Variants in VTI1A observed in about 807,000 individuals in gnomAD.
VTI1A encodes vesicle transport through interaction with t-SNAREs homolog 1A.
A neutral mutation model predicts 34.9 loss-of-function variants in VTI1A; 22 were observed. That is an observed-to-expected ratio of 0.63 (90% CI 0.45 to 0.90). VTI1A has a LOEUF of 0.90. Ranked by LOEUF, VTI1A falls within the 40% of genes least tolerant of loss-of-function variation. The pLI, the probability that VTI1A is intolerant of heterozygous loss-of-function variation, is 0.00. For missense variants in VTI1A, 268 were observed against 275.6 expected, an observed-to-expected ratio of 0.97 and a Z score of 0.20; for synonymous variants, 87 against 97.3, an observed-to-expected ratio of 0.89 and a Z score of 0.62.
chr10:112,522,904 T>G (rs1386918966), intron 3 of VTI1A, among the ~76,000 whole-genome samples: 1 of 152,126 alleles, frequency 6.6e-6, no homozygotes, highest in Non-Finnish European at 1.5e-5. Context: ...TGAGGCAATT[T>G]AAGCAATTGC....
intron 7 of VTI1A, among the ~76,000 whole-genome samples, chr10:112,731,861 T>G (rs545810151): frequency 6.6e-6 from 1 of 152,348 alleles, no homozygotes; most frequent in East Asian, 1.9e-4. Flanking sequence ...GTAAATGGAT[T>G]AATTAATTAG....
chr10:112,707,803 T>G (rs184830554), intron 7 of VTI1A, among the ~76,000 whole-genome samples: 92 of 152,362 alleles, frequency 6.0e-4, no homozygotes, highest in African/African-American at 2.2e-3. Flanking sequence ...GATGATGTAT[T>G]TTAACATAAA....
chr10:112,737,181 T>G (rs1191928353), intron 7 of VTI1A: 1 of 393,234 alleles, frequency 2.5e-6, no homozygotes, highest in East Asian at 6.8e-5. Context: ...AGCGATTCTC[T>G]TGCCTCAGCC....
At chr10:112,464,439 C>G in intron 2 of VTI1A, 108 bp from the exon 3 acceptor site, 5 of 909,666 alleles carry the variant, frequency 5.5e-6, no homozygotes, top group Non-Finnish European at 8.4e-6. Context: ...GAACCTGGTG[C>G]CTCAACTACA....
intron 3 of VTI1A, among the ~76,000 whole-genome samples, chr10:112,485,464 C>T (rs977327205): frequency 6.6e-6 from 1 of 152,046 alleles, no homozygotes; most frequent in African/African-American, 2.4e-5. Context: ...GACATTTTCC[C>T]CGTAGTCCTT....
At chr10:112,691,244 G>A (rs1385234169) in intron 7 of VTI1A, among the ~76,000 whole-genome samples, 1 of 149,602 alleles carries the variant, frequency 6.7e-6, no homozygotes, top group African/African-American at 2.5e-5. Flanking sequence ...CTGGGCAACA[G>A]AATGAGACTC....
At chr10:112,544,638 G>A (rs1304800658) in intron 5 of VTI1A, among the ~76,000 whole-genome samples, 1 of 151,182 alleles carries the variant, frequency 6.6e-6, no homozygotes, top group African/African-American at 2.4e-5. Flanking sequence ...AAAAAAAAAA[G>A]GATAACTGAT....
intron 5 of VTI1A, among the ~76,000 whole-genome samples, chr10:112,631,738 G>A (rs1321438444): frequency 6.6e-6 from 1 of 152,200 alleles, no homozygotes; most frequent in Non-Finnish European, 1.5e-5. Flanking sequence ...TGGCATGTGA[G>A]TTCCGCAGGA....
At chr10:112,590,090 T>C (rs549135046) in intron 5 of VTI1A, among the ~76,000 whole-genome samples, 21 of 152,268 alleles carry the variant, frequency 1.4e-4, no homozygotes, top group African/African-American at 4.8e-4. Context: ...TAACTGAACA[T>C]GGTTTACTCT....
intron 3 of VTI1A, among the ~76,000 whole-genome samples, chr10:112,515,583 C>T (rs111938231): frequency 7.2e-5 from 11 of 152,110 alleles, no homozygotes; most frequent in African/African-American, 2.6e-4. Context: ...TATGGTCTCA[C>T]TCCTCAAATT....
intron 4 of VTI1A, among the ~76,000 whole-genome samples, chr10:112,534,294 TA>T (rs1290314642): frequency 1.3e-5 from 2 of 152,162 alleles, no homozygotes; most frequent in Non-Finnish European, 2.9e-5. Context: ...TTTAAAAAAT[TA>T]AGTCAAACAT....
intron 1 of VTI1A, among the ~76,000 whole-genome samples, chr10:112,455,726 T>A (rs1347167527): frequency 6.7e-6 from 1 of 149,222 alleles, no homozygotes; most frequent in Non-Finnish European, 1.5e-5. Context: ...CTTTTGAGAT[T>A]TGCCTTCTTA....
intron 7 of VTI1A, among the ~76,000 whole-genome samples, chr10:112,689,729 T>A (rs372672100): frequency 6.6e-6 from 1 of 152,094 alleles, no homozygotes. Flanking sequence ...CCTACAGATT[T>A]TTTTACTTTT....
chr10:112,566,567 T>C (rs1851909957), intron 5 of VTI1A, among the ~76,000 whole-genome samples: 1 of 152,186 alleles, frequency 6.6e-6, no homozygotes, highest in South Asian at 2.1e-4. Flanking sequence ...ATTATTGTTT[T>C]GCTGTTTAAT....
At chr10:112,852,332 C>T in the VTI1A span, among the ~76,000 whole-genome samples, 1 of 152,208 alleles carries the variant, frequency 6.6e-6, no homozygotes, top group African/African-American at 2.4e-5. Flanking sequence ...AGTGATTTGT[C>T]ATTTTCCCAC....
chr10:112,663,708 G>A (rs1847544824), intron 5 of VTI1A, among the ~76,000 whole-genome samples: 1 of 152,134 alleles, frequency 6.6e-6, no homozygotes, highest in South Asian at 2.1e-4. Context: ...AAGAGTGACT[G>A]ACCCAACCAC....
rs796629542 is a variant in VTI1A at position 112,578,055 on chromosome 10, T to C, written c.427+39725T>C. On this transcript the variant is annotated intron_variant, in intron 5 of 7. Coordinates refer to ENST00000393077, the MANE Select transcript of VTI1A (RefSeq NM_145206.4). ...GTGAAGTAACTTTCTTATTGTTTTG[T>C]TTGAACCTTTTTGAGCCCAAGAAGT... is the stretch of plus-strand genomic sequence containing the variant. Among the ~76,000 whole-genome samples, 17 of 152,340 alleles carry C rather than the reference T, an allele frequency of 1.1e-4. 1 individual carries two copies. The highest frequency in any genetic ancestry group is 3.8e-4 in the African/African-American group (16 of 41,572).
intron 7 of VTI1A, among the ~76,000 whole-genome samples, chr10:112,739,208 T>A (rs1850603911): frequency 6.6e-6 from 1 of 152,214 alleles, no homozygotes; most frequent in Non-Finnish European, 1.5e-5. Context: ...TCCTCCCGCC[T>A]TATCGAACCC....
At chr10:112,596,812 T>C (rs766412777) in intron 5 of VTI1A, among the ~76,000 whole-genome samples, 19 of 152,200 alleles carry the variant, frequency 1.2e-4, no homozygotes, top group Non-Finnish European at 2.2e-4. Context: ...TTTGCTGATG[T>C]GTTTATGTTT....
Sources: allele counts gnomAD v4.1 joint callset (sites outside exome capture counted in the v4.1 genomes callset), GRCh38; gene constraint gnomAD v4.1.1; transcripts MANE v1.5; gene names NCBI Gene and HGNC (gene_info 2026-07-23, HGNC 2026-07-21).